Variants in ASB18 observed in about 807,000 individuals in gnomAD.
The protein encoded by ASB18 is ankyrin repeat and SOCS box protein 18.
In ASB18, 33 loss-of-function variants were observed where a neutral mutation model predicts 33.4. That is an observed-to-expected ratio of 0.99 (90% confidence interval 0.75 to 1.32). ASB18 has a LOEUF of 1.32. Ranked by LOEUF, ASB18 falls within the 40% of genes most tolerant of loss-of-function variation. ASB18 has a pLI of 0.00. For synonymous variants in ASB18, 295 were observed against 307.6 expected, an observed-to-expected ratio of 0.96 and a Z score of 0.43; for missense variants, 694 against 655.5, an observed-to-expected ratio of 1.06 and a Z score of -0.64.
At chr2:236,258,147 G>A (rs879466243) in intron 1 of ASB18, among the ~76,000 whole-genome samples, 3 of 152,210 alleles carry the variant, frequency 2.0e-5, no homozygotes, top group Non-Finnish European at 2.9e-5. Flanking sequence ...TACTTGACCT[G>A]AAACTCACCA....
At chr2:236,212,021 A>G (rs1246973684) in intron 4 of ASB18, among the ~76,000 whole-genome samples, 1 of 152,162 alleles carries the variant, frequency 6.6e-6, no homozygotes, top group African/African-American at 2.4e-5. Context: ...TGCAGGCGCC[A>G]TGTTCAGGGA....
rs1344534279 is a variant in ASB18 at position 236,196,033 on chromosome 2, G to A, written c.1215+239C>T. On this transcript the variant is annotated intron_variant, in intron 5 of 5. Transcript: ENST00000409749. This position sits in a 1 kb window ranked among gnomAD's most constrained non-coding sequence, Gnocchi z 5.6. ...AGGAACCCTCGCGCTTTTCAGGCCA[G>A]CACGGGGCTCTGAGCTCCTTGAGGC... 1 of 535,084 alleles carries A rather than the reference G, an allele frequency of 1.9e-6. No homozygotes were observed. Among genetic ancestry groups the A allele is most frequent in the Non-Finnish European group, 3.5e-6 (1 of 289,850 alleles). 33.1% of individuals were successfully genotyped at this position (535,084 alleles called of 1,614,324 possible).
In ASB18 at chr2:236,221,474, A is replaced by C. The variant is rs529115259; in HGVS notation, c.597-6608T>G. On this transcript the variant is annotated intron_variant, in intron 3 of 5. Transcript: ENST00000409749. The surrounding 1 kb of genome is among the most constrained non-coding windows in gnomAD (Gnocchi z 5.6). Reference sequence around the variant, plus strand: ...TTGAATCATGGGGGTGGTTTCCTTCATACTGTTCTCTTGGTAGTGAATAAG... The same window carrying C: ...TTGAATCATGGGGGTGGTTTCCTTCCTACTGTTCTCTTGGTAGTGAATAAG... Among the ~76,000 whole-genome samples, 2 of 152,088 alleles carry C rather than the reference A, an allele frequency of 1.3e-5. No individual in the cohort carries two copies. The highest frequency in any genetic ancestry group is 1.3e-4 in the Admixed American group (2 of 15,256).
chr2:236,201,260 T>A (rs2060400408), intron 4 of ASB18, among the ~76,000 whole-genome samples: 1 of 152,034 alleles, frequency 6.6e-6, no homozygotes, highest in African/African-American at 2.4e-5. Flanking sequence ...GAAGCGAACC[T>A]CCCACCTCAG....
rs1481898655 is a variant in ASB18, at chr2:236,249,030, ATTGAT to A, written c.206-7633_206-7629del. On this transcript the variant is annotated intron_variant, in intron 1 of 5. Transcript: ENST00000409749. This position sits in a 1 kb window ranked among gnomAD's most constrained non-coding sequence, Gnocchi z 4.6. ...AAGAGGTTGTTGGTTGTTTTGATGC[ATTGAT>A]ATTTATACCCAAATTTAGATGGCAT... 35 of 152,344 alleles carry A rather than the reference ATTGAT, an allele frequency of 2.3e-4. No individual in the cohort carries two copies. The highest frequency in any genetic ancestry group is 8.2e-4 in the African/African-American group (34 of 41,590). The allele number at this position is 152,344 out of a possible 1,614,324, so 9.4% of individuals were successfully genotyped here.
chr2:236,234,423 C>T lies in ASB18; in HGVS notation c.596+3266G>A, dbSNP rs1240289861. ...ATTCTTCAATTTGTGTTGACATCATCCAGCCCCTTTTGTCTAGGTGTTATC... is the reference window on the plus strand; with the variant it reads ...ATTCTTCAATTTGTGTTGACATCATTCAGCCCCTTTTGTCTAGGTGTTATC... On this transcript the variant is annotated intron_variant, in intron 3 of 5. Coordinates refer to ENST00000409749, the MANE Select transcript of ASB18 (RefSeq NM_212556.4). This position sits in a 1 kb window ranked among gnomAD's most constrained non-coding sequence, Gnocchi z 4.1. Among the ~76,000 whole-genome samples, 8 of 152,172 alleles carry T rather than the reference C, an allele frequency of 5.3e-5. No individual in the cohort carries two copies. In the East Asian group the frequency reaches 1.5e-3, roughly 29 times the overall value.
intron 1 of ASB18, among the ~76,000 whole-genome samples, chr2:236,246,912 T>C (rs1291733167): frequency 6.6e-6 from 1 of 152,246 alleles, no homozygotes; most frequent in African/African-American, 2.4e-5. Flanking sequence ...CTGATCCAAC[T>C]GTGTTTCACT....
In ASB18 at chr2:236,214,470, G is replaced by A. The variant is rs1382237511; in HGVS notation, c.993C>T (p.Gly331=). 20 of 1,514,216 alleles carry A rather than the reference G, an allele frequency of 1.3e-5. No homozygotes were observed. The South Asian group carries it at 2.2e-4, about 16-fold the overall frequency. 93.8% of individuals were successfully genotyped at this position (1,514,216 alleles called of 1,614,324 possible). Reference sequence around the variant, plus strand: ...CGCAGGATGCGGTCTGGAGCACGCGGCCCAGCGGCGAGGCCCCGCCATAGT... The same window carrying A: ...CGCAGGATGCGGTCTGGAGCACGCGACCCAGCGGCGAGGCCCCGCCATAGT... ...ALDYGGASPL[G]RVLQTASCAL... The change falls in exon 4 of 6, where the codon GGC becomes GGT. Residue 331 remains glycine, a synonymous_variant. Transcript: ENST00000409749. This position sits in a 1 kb window ranked among gnomAD's most constrained non-coding sequence, Gnocchi z 6.5.
rs1466813977 is a variant in ASB18, at chr2:236,193,503, C to T, written c.*1369G>A. Among the ~76,000 whole-genome samples, 1 of 152,104 alleles carries T rather than the reference C, an allele frequency of 6.6e-6. No homozygotes were observed. The highest frequency in any genetic ancestry group is 2.4e-5 in the African/African-American group (1 of 41,410). ...ATTTTATTATAACACCGATAAGAAACAAAACTGATTCGGCAGGGCATGGTG... is the reference window on the plus strand; with the variant it reads ...ATTTTATTATAACACCGATAAGAAATAAAACTGATTCGGCAGGGCATGGTG... On this transcript the variant is annotated 3_prime_UTR_variant, in exon 6 of 6. Coordinates refer to ENST00000409749, the MANE Select transcript of ASB18 (RefSeq NM_212556.4). This position sits in a 1 kb window ranked among gnomAD's most constrained non-coding sequence, Gnocchi z 5.0.
At chr2:236,242,823 A>G (rs539631129) in intron 1 of ASB18, among the ~76,000 whole-genome samples, 4 of 146,200 alleles carry the variant, frequency 2.7e-5, no homozygotes, top group Non-Finnish European at 6.0e-5. Flanking sequence ...GGAGTTTGAG[A>G]CCAGGCAAGA....
chr2:236,228,429 A>G lies in ASB18; in HGVS notation c.596+9260T>C, dbSNP rs1364108524. On this transcript the variant is annotated intron_variant, in intron 3 of 5. Transcript: ENST00000409749. This position sits in a 1 kb window ranked among gnomAD's most constrained non-coding sequence, Gnocchi z 5.1. ...GTAGGGTAGGGTGCTGGAGAGGAGA[A>G]AGCTTCACACAGAAAGAACTTTGCA... Among the ~76,000 whole-genome samples the G allele has an allele frequency of 6.6e-6, 1 of 152,146 alleles. No homozygotes were observed. The highest frequency in any genetic ancestry group is 1.5e-5 in the Non-Finnish European group (1 of 68,026).
In ASB18 at chr2:236,237,824, C is replaced by T; in HGVS notation, c.461G>A (p.Gly154Asp). The T allele has an allele frequency of 7.3e-7, 1 of 1,372,734 alleles. No homozygotes were observed. Among genetic ancestry groups the T allele is most frequent in the African/African-American group, 1.5e-5 (1 of 65,156 alleles). 85.0% of individuals were successfully genotyped at this position (1,372,734 alleles called of 1,614,324 possible). A position where few individuals can be genotyped will look rare whatever the true frequency, so the allele number is the denominator to read the frequency against. The stretch of plus-strand genomic sequence containing the variant: ...CCCGAGGCAGGCCTCGTGCAGGGCG[C>T]CGCGGCCGCCGGGGCTGGCGTCTGG... Reference protein sequence around the residue: ...ADPDASPGGRGALHEACLGGH... With the variant: ...ADPDASPGGRDALHEACLGGH... The change falls in exon 3 of 6, where the codon GGC (glycine) becomes GAC (aspartate). Residue 154 changes from glycine (G) to aspartate (D), a missense_variant. Coordinates refer to ENST00000409749, the MANE Select transcript of ASB18 (RefSeq NM_212556.4). The surrounding 1 kb of genome is among the most constrained non-coding windows in gnomAD (Gnocchi z 6.2).
Position 236,231,075 on chromosome 2 carries a change from G to T in ASB18, c.596+6614C>A, listed in dbSNP as rs181474927. Among the ~76,000 whole-genome samples the T allele has an allele frequency of 6.6e-6, 1 of 152,272 alleles. No homozygotes were observed. The highest frequency in any genetic ancestry group is 1.9e-4 in the East Asian group (1 of 5,170). ...CTGAAGTCTATCTTCTGGTGTCCAT[G>T]CTCTTCTCTCCTCTCCTTGAGCGTG... is the stretch of plus-strand genomic sequence containing the variant. On this transcript the variant is annotated intron_variant, in intron 3 of 5. Transcript: ENST00000409749. This position sits in a 1 kb window ranked among gnomAD's most constrained non-coding sequence, Gnocchi z 5.5.
intron 4 of ASB18, among the ~76,000 whole-genome samples, chr2:236,201,587 T>C (rs11677552): frequency 0.17 from 25,851 of 152,086 alleles, 2,225 homozygotes; most frequent in South Asian, 0.25. Context: ...TATATTGCAA[T>C]ATGGCTGTAG....
chr2:236,264,235 G>T lies in ASB18; in HGVS notation c.111C>A (p.Cys37Ter), dbSNP rs1298926541. 1 of 1,613,838 alleles carries T rather than the reference G, an allele frequency of 6.2e-7. No individual in the cohort carries two copies. The highest frequency in any genetic ancestry group is 1.3e-5 in the African/African-American group (1 of 74,928). ...CAGCGTCCACAGGCGTGATTTCAGT[G>T]CAGATTAAATCCCTCACTCTCTCCT... is the stretch of plus-strand genomic sequence containing the variant. ...KDEERVRDLI[C>*]TEITPVDAVI... is the part of the protein sequence containing the mutation. Residue 37 changes from cysteine to a stop codon, truncating the protein, a stop_gained, in exon 1 of 6, where the codon TGC (cysteine) becomes TGA (stop). Transcript: ENST00000409749. LOFTEE classifies it high-confidence loss of function. This position sits in a 1 kb window ranked among gnomAD's most constrained non-coding sequence, Gnocchi z 5.1.
chr2:236,214,673 G>A lies in ASB18; in HGVS notation c.790C>T (p.Arg264Trp), dbSNP rs2060477383. 7.9e-6 allele frequency: 9 copies of A among 1,141,342 alleles called. No homozygotes were observed. The highest frequency in any genetic ancestry group is 3.7e-4 in the Middle Eastern group (1 of 2,698). 70.7% of individuals were successfully genotyped at this position (1,141,342 alleles called of 1,614,324 possible). Reference sequence around the variant, plus strand: ...CAGCGCCCGTGCTCGTCGGGCCTCCGCGCCGCACCGCAGGCCGCGCTCAGA... The same window carrying A: ...CAGCGCCCGTGCTCGTCGGGCCTCCACGCCGCACCGCAGGCCGCGCTCAGA... ...TALSAACGAA[R>W]RPDEHGRCLR... The change falls in exon 4 of 6, where the codon CGG becomes TGG. Residue 264 changes from arginine (R) to tryptophan (W), a missense_variant. Transcript: ENST00000409749. The surrounding 1 kb of genome is among the most constrained non-coding windows in gnomAD (Gnocchi z 6.5).
chr2:236,237,585 G>C lies in ASB18; in HGVS notation c.596+104C>G, dbSNP rs577392858. The stretch of plus-strand genomic sequence containing the variant: ...GTGCAGGGTCTGGGTCCGGAGGCGG[G>C]GGCTGGGACGGAGGCGGAGGCGGGG... On this transcript the variant is annotated intron_variant, in intron 3 of 5. Transcript: ENST00000409749. This position sits in a 1 kb window ranked among gnomAD's most constrained non-coding sequence, Gnocchi z 6.2. 6.0e-5 allele frequency: 59 copies of C among 989,828 alleles called. No individual in the cohort carries two copies. In the East Asian group the frequency reaches 1.7e-3, roughly 28 times the overall value. The allele number at this position is 989,828 out of a possible 1,614,324, so 61.3% of individuals were successfully genotyped here. A position where few individuals can be genotyped will look rare whatever the true frequency, so the allele number is the denominator to read the frequency against.
chr2:236,248,245 G>A lies in ASB18; in HGVS notation c.206-6843C>T, dbSNP rs1288456437. The A allele has an allele frequency of 1.3e-5, 2 of 152,184 alleles. No homozygotes were observed. The highest frequency in any genetic ancestry group is 2.4e-5 in the African/African-American group (1 of 41,420). 9.4% of individuals were successfully genotyped at this position (152,184 alleles called of 1,614,324 possible). ...AAACACGATGCCTGGAGCCCACCTG[G>A]TAGTTTCAGGCATAATGGGTTGGAG... On this transcript the variant is annotated intron_variant, in intron 1 of 5. Coordinates refer to ENST00000409749, the MANE Select transcript of ASB18 (RefSeq NM_212556.4). This position sits in a 1 kb window ranked among gnomAD's most constrained non-coding sequence, Gnocchi z 4.9.
rs912404381 is a variant in ASB18, at chr2:236,223,051, GT to G, written c.597-8186del. Among the ~76,000 whole-genome samples, 2 of 152,100 alleles carry G rather than the reference GT, an allele frequency of 1.3e-5. No individual in the cohort carries two copies. The highest frequency in any genetic ancestry group is 4.8e-5 in the African/African-American group (2 of 41,416). ...AAGGTGTGTGACACCCCCCATCCCT[GT>G]TCCTGCTTTCACTGTGTGGTGTGCC... On this transcript the variant is annotated intron_variant, in intron 3 of 5. Coordinates refer to ENST00000409749, the MANE Select transcript of ASB18 (RefSeq NM_212556.4). The surrounding 1 kb of genome is among the most constrained non-coding windows in gnomAD (Gnocchi z 4.6).
Sources: gnomAD v4.1 joint callset for allele counts (sites outside exome capture counted in the v4.1 genomes callset) on GRCh38, gnomAD v4.1.1 for gene constraint, Gnocchi (gnomAD v3.1) non-coding constraint, MANE v1.5 for transcripts, NCBI Gene and HGNC (gene_info 2026-07-23, HGNC 2026-07-21) for gene names.